CHMP3: variants seen among roughly 807,000 people sequenced by gnomAD.
The protein encoded by CHMP3 is 25.1 protein.
A neutral mutation model predicts 27.4 loss-of-function variants in CHMP3; 8 were observed. That is an observed-to-expected ratio of 0.29 (90% CI 0.17 to 0.53). The LOEUF (loss-of-function observed/expected upper bound fraction) is 0.53. Ranked by LOEUF, CHMP3 falls within the 20% of genes least tolerant of loss-of-function variation. The probability of loss-of-function intolerance (pLI) is 0.96; values close to 1 mark genes in which losing one functional copy is unlikely to be tolerated. For missense variants in CHMP3, 208 were observed against 271.5 expected (o/e 0.77, Z 1.64); for synonymous variants, 86 against 85.5 (o/e 1.01, Z -0.03).
intron 1 of CHMP3, chr2:86,562,260 A>T (rs900507140): frequency 6.6e-6 from 1 of 152,194 alleles, no homozygotes; most frequent in Admixed American, 6.5e-5. Flanking sequence ...AAGATCATTT[A>T]TTAAAGGATT....
chr2:86,557,633 T>C (rs945902324), intron 1 of CHMP3, among the ~76,000 whole-genome samples: 1 of 152,226 alleles, frequency 6.6e-6, no homozygotes, highest in South Asian at 2.1e-4. Flanking sequence ...CTCTAACATA[T>C]GTTCCACACT....
At chr2:86,561,311 G>A (rs952814847) in intron 1 of CHMP3, among the ~76,000 whole-genome samples, 4 of 152,162 alleles carry the variant, frequency 2.6e-5, no homozygotes, top group African/African-American at 9.7e-5. Flanking sequence ...GACAATAACA[G>A]TTCCTACCTC....
intron 3 of CHMP3, among the ~76,000 whole-genome samples, chr2:86,523,473 A>G (rs1307787990): frequency 6.6e-6 from 1 of 152,120 alleles, no homozygotes; most frequent in African/African-American, 2.4e-5. Flanking sequence ...CCATACCTAG[A>G]GGGCAGTGAT....
At chr2:86,546,301 G>A (rs545079257) in intron 1 of CHMP3, among the ~76,000 whole-genome samples, 1 of 132,712 alleles carries the variant, frequency 7.5e-6, no homozygotes, top group Non-Finnish European at 1.6e-5. Context: ...AGGCAGGGAG[G>A]TTGCAGCGAG....
Position 86,563,404 on chromosome 2 carries a change from G to T in CHMP3, c.-56C>A. 1.3e-6 allele frequency: 2 copies of T among 1,535,270 alleles called. No homozygotes were observed. The highest frequency in any genetic ancestry group is 1.8e-6 in the Non-Finnish European group (2 of 1,137,920). Reference sequence around the variant, plus strand: ...CTTTCAGTTCCCCGCGCCCAGGCAGGTCACGGGCAGCCGCCTGGGCGGGGC... The same window carrying T: ...CTTTCAGTTCCCCGCGCCCAGGCAGTTCACGGGCAGCCGCCTGGGCGGGGC... On this transcript the variant is annotated 5_prime_UTR_variant, in exon 1 of 6. Transcript: ENST00000263856.
intron 4 of CHMP3, 82 bp from the exon 5 acceptor site, chr2:86,507,675 C>G: frequency 8.3e-7 from 1 of 1,198,604 alleles, no homozygotes; most frequent in Non-Finnish European, 1.2e-6. Flanking sequence ...AGACCGAGCT[C>G]TAGCCTAAGT....
At chr2:86,520,478 T>C (rs1050893907) in intron 3 of CHMP3, among the ~76,000 whole-genome samples, 5 of 152,058 alleles carry the variant, frequency 3.3e-5, no homozygotes, top group South Asian at 2.1e-4. Flanking sequence ...GCTAAACCAT[T>C]AGAAACCACC....
At chr2:86,558,440 C>T (rs941270831) in intron 1 of CHMP3, among the ~76,000 whole-genome samples, 1 of 152,158 alleles carries the variant, frequency 6.6e-6, no homozygotes, top group African/African-American at 2.4e-5. Context: ...ACTACCTGAC[C>T]TTAAACCCTA....
intron 1 of CHMP3, among the ~76,000 whole-genome samples, chr2:86,556,236 T>C (rs1424986387): frequency 6.6e-6 from 1 of 152,202 alleles, no homozygotes; most frequent in Non-Finnish European, 1.5e-5. Flanking sequence ...CTCAGCTACG[T>C]AGCTCCTCTC....
intron 3 of CHMP3, among the ~76,000 whole-genome samples, chr2:86,519,577 ACATT>A (rs1264201600): frequency 6.6e-6 from 1 of 152,166 alleles, no homozygotes; most frequent in African/African-American, 2.4e-5. Context: ...TATAAAATAA[ACATT>A]CATATGAGTA....
Position 86,563,299 on chromosome 2 carries a change from C to G in CHMP3, c.45+5G>C. 1 of 1,614,074 alleles carries G rather than the reference C, an allele frequency of 6.2e-7. No homozygotes were observed. The highest frequency in any genetic ancestry group is 1.1e-5 in the South Asian group (1 of 91,080). Reference sequence around the variant, plus strand: ...CCGCTTATCTGCCGCCGCCGTAGCCCTTACCAGTTCTTTGGGCGGCTTCTC... The same window carrying G: ...CCGCTTATCTGCCGCCGCCGTAGCCGTTACCAGTTCTTTGGGCGGCTTCTC... On this transcript the variant is annotated splice_donor_5th_base_variant and intron_variant, in intron 1 of 5. Transcript: ENST00000263856.
At chr2:86,537,505 A>G (rs1676195054) in intron 2 of CHMP3, among the ~76,000 whole-genome samples, 1 of 152,136 alleles carries the variant, frequency 6.6e-6, no homozygotes, top group South Asian at 2.1e-4. Context: ...TCCTGCTTTG[A>G]GTAGGCCATA....
intron 3 of CHMP3, among the ~76,000 whole-genome samples, chr2:86,525,931 C>A (rs763264684): frequency 2.0e-5 from 3 of 152,084 alleles, no homozygotes; most frequent in Non-Finnish European, 4.4e-5. Flanking sequence ...AGATAAAACT[C>A]AATGGCATTT....
At chr2:86,522,385 A>T (rs1675551352) in intron 3 of CHMP3, among the ~76,000 whole-genome samples, 1 of 152,064 alleles carries the variant, frequency 6.6e-6, no homozygotes, top group Admixed American at 6.6e-5. Flanking sequence ...TGCTGTATTT[A>T]ATCTCCCAAC....
chr2:86,510,267 C>G, intron 4 of CHMP3, 91 bp downstream of exon 4: 1 of 1,519,768 alleles, frequency 6.6e-7, no homozygotes, highest in East Asian at 2.4e-5. Flanking sequence ...GTAGTCTGTT[C>G]ATCCCCACCC....
chr2:86,543,684 A>G (rs1676449125), intron 1 of CHMP3, among the ~76,000 whole-genome samples: 1 of 152,228 alleles, frequency 6.6e-6, no homozygotes, highest in African/African-American at 2.4e-5. Context: ...CACGGCAAGT[A>G]CATTCCCACT....
chr2:86,538,946 G>T (rs1428357738), intron 2 of CHMP3, among the ~76,000 whole-genome samples: 1 of 152,066 alleles, frequency 6.6e-6, no homozygotes, highest in Non-Finnish European at 1.5e-5. Flanking sequence ...ATGTAACCAG[G>T]ACCTAGATTA....
At chr2:86,516,716 T>C (rs1212929410) in intron 3 of CHMP3, among the ~76,000 whole-genome samples, 1 of 152,238 alleles carries the variant, frequency 6.6e-6, no homozygotes, top group African/African-American at 2.4e-5. Context: ...TATGGATACA[T>C]GTAAACACTT....
chr2:86,548,200 T>A (rs56059606), intron 1 of CHMP3, among the ~76,000 whole-genome samples: 26,773 of 146,326 alleles, frequency 0.18, 2,991 homozygotes, highest in African/African-American at 0.31. Context: ...TTTTTTTTTT[T>A]AGTATTTATT....
Sources: allele counts gnomAD v4.1 joint callset (sites outside exome capture counted in the v4.1 genomes callset), GRCh38; gene constraint gnomAD v4.1.1; transcripts MANE v1.5; gene names NCBI Gene and HGNC (gene_info 2026-07-23, HGNC 2026-07-21).